The following CABP1 variants were observed in gnomAD, a reference collection of about 807,000 sequenced individuals.
CABP1 encodes calcium binding protein 1, also known as calcium-binding protein 1.
In CABP1, 17 loss-of-function variants were observed where a neutral mutation model predicts 34.3. The ratio of observed to expected loss-of-function variants is 0.50; its 90% CI spans 0.34 to 0.74. The LOEUF (loss-of-function observed/expected upper bound fraction) is 0.74, where lower values mean the gene tolerates loss of function less well. Among genes scored for constraint, CABP1 ranks in the 30% least tolerant of loss-of-function variants. The pLI is 0.01. For missense variants in CABP1, 373 were observed against 511.1 expected, an observed-to-expected ratio of 0.73 and a Z score of 2.61; for synonymous variants, 198 against 229.2, an observed-to-expected ratio of 0.86 and a Z score of 1.23.
chr12:120,676,256 A>G, the CABP1 span, among the ~76,000 whole-genome samples: 1 of 152,316 alleles, frequency 6.6e-6, no homozygotes, highest in East Asian at 1.9e-4. Context: ...TGTGGTGTGG[A>G]TAGACTACCT....
In CABP1 at chr12:120,661,145, G is replaced by C; in HGVS notation, c.1014G>C (p.Gln338His). 1 of 1,613,630 alleles carries C rather than the reference G, an allele frequency of 6.2e-7. No individual in the cohort carries two copies. Among genetic ancestry groups the C allele is most frequent in the Non-Finnish European group, 8.5e-7 (1 of 1,180,002 alleles). Residue 338 changes from glutamine (Q) to histidine (H), a missense_variant, in exon 5 of 6, where the codon CAG becomes CAC. By Grantham distance (24) the Gln-to-His change is conservative (BLOSUM62 0). Coordinates refer to ENST00000316803, the MANE Select transcript of CABP1 (RefSeq NM_001033677.2). This position sits in a 1 kb window ranked among gnomAD's most constrained non-coding sequence, Gnocchi z 5.1. ...REAMRKLLGH[Q>H]VGHRDIEEII... ...CTATGAGGAAGCTCCTGGGTCATCA[G>C]GTGGGACACCGAGACATAGAGGAAA... is the stretch of plus-strand genomic sequence containing the variant.
At chr12:120,659,989 C>A in intron 2 of CABP1, 81 bp downstream of exon 2, 1 of 1,456,386 alleles carries the variant, frequency 6.9e-7, no homozygotes, top group East Asian at 2.3e-5. Flanking sequence ...GAAGAGAGGC[C>A]CCTGGAAATG....
Position 120,667,037 on chromosome 12 carries a change from GC to G in CABP1, c.*140del. 9.8e-7 allele frequency: 1 copy of G among 1,017,686 alleles called. No homozygotes were observed. Among genetic ancestry groups the G allele is most frequent in the Non-Finnish European group, 1.5e-6 (1 of 683,954 alleles). The allele number at this position is 1,017,686 out of a possible 1,614,324, so 63.0% of individuals were successfully genotyped here. A position where few individuals can be genotyped will look rare whatever the true frequency, so the allele number is the denominator to read the frequency against. On this transcript the variant is annotated 3_prime_UTR_variant, in exon 6 of 6. Transcript: ENST00000316803. ...GGGCCTGCCTGCACCCCGGGGAGGC[GC>G]CCACCCCGGACCCCCACCCCTCCGC...
rs369240245 is a variant in CABP1, at chr12:120,656,152, G to A, written c.655-3726G>A. On this transcript the variant is annotated intron_variant, in intron 1 of 5. Coordinates refer to ENST00000316803, the MANE Select transcript of CABP1 (RefSeq NM_001033677.2). ...TGCAGACGAGCGAGGAGGGGCTGGC[G>A]GCTGACGCCGAGCTCCCGGGACCGC... The A allele has an allele frequency of 3.3e-5, 53 of 1,614,038 alleles. No homozygotes were observed. The African/African-American group carries it at 4.0e-4, about 12-fold the overall frequency.
Position 120,641,585 on chromosome 12 carries a change from TACCCGCCAGA to T in CABP1, c.654+256_654+265del, listed in dbSNP as rs1368042057. 2 of 357,626 alleles carry T rather than the reference TACCCGCCAGA, an allele frequency of 5.6e-6. No individual in the cohort carries two copies. Among genetic ancestry groups the T allele is most frequent in the African/African-American group, 2.1e-5 (1 of 47,316 alleles). The allele number at this position is 357,626 out of a possible 1,614,324, so 22.2% of individuals were successfully genotyped here. A position where few individuals can be genotyped will look rare whatever the true frequency, so the allele number is the denominator to read the frequency against. On this transcript the variant is annotated intron_variant, in intron 1 of 5. Coordinates refer to ENST00000316803, the MANE Select transcript of CABP1 (RefSeq NM_001033677.2). The surrounding 1 kb of genome is among the most constrained non-coding windows in gnomAD (Gnocchi z 6.7). Reference sequence around the variant, plus strand: ...AGGCCCTCCCCGCTAGCCTCCCTCATACCCGCCAGAACCCGCCAGTCCTGGAAGAGAGCGA... The same window carrying T: ...AGGCCCTCCCCGCTAGCCTCCCTCATACCCGCCAGTCCTGGAAGAGAGCGA...
At chr12:120,676,711 G>A in the CABP1 span, among the ~76,000 whole-genome samples, 1 of 152,196 alleles carries the variant, frequency 6.6e-6, no homozygotes, top group East Asian at 1.9e-4. Context: ...ACAGGCATCA[G>A]CCACCGCACC....
At position 120,667,166 on chromosome 12, in the gene CABP1, G is replaced by A. The variant is rs1337919129; in HGVS notation, c.*266G>A. 5 of 564,754 alleles carry A rather than the reference G, an allele frequency of 8.9e-6. No individual in the cohort carries two copies. Among genetic ancestry groups the A allele is most frequent in the South Asian group, 8.5e-5 (4 of 47,022 alleles). The allele number at this position is 564,754 out of a possible 1,614,324, so 35.0% of individuals were successfully genotyped here. ...GGTCATGCCAGGCGCCAAGGGCCAT[G>A]TGCCCAGCTGCTGCTGGCTGGGTGG... On this transcript the variant is annotated 3_prime_UTR_variant, in exon 6 of 6. Coordinates refer to ENST00000316803, the MANE Select transcript of CABP1 (RefSeq NM_001033677.2).
Position 120,640,795 on chromosome 12 carries a change from G to C in CABP1, c.110G>C (p.Gly37Ala). Residue 37 changes from glycine (G) to alanine (A), a missense_variant, in exon 1 of 6, where the codon GGC becomes GCC. Coordinates refer to ENST00000316803, the MANE Select transcript of CABP1 (RefSeq NM_001033677.2). The surrounding 1 kb of genome is among the most constrained non-coding windows in gnomAD (Gnocchi z 6.2). The stretch of plus-strand genomic sequence containing the variant: ...GAGCCCCGTTCTCTGCCCGCCGGGG[G>C]CCCCGCGCCGCGCCGCACCGCGCCG... ...RREPRSLPAGGPAPRRTAPPP... is the reference protein window; with the variant it reads ...RREPRSLPAGAPAPRRTAPPP... The C allele has an allele frequency of 9.0e-7, 1 of 1,110,846 alleles. No homozygotes were observed. The highest frequency in any genetic ancestry group is 5.0e-5 in the Admixed American group (1 of 19,864). The allele number at this position is 1,110,846 out of a possible 1,614,324, so 68.8% of individuals were successfully genotyped here.
At chr12:120,675,345 C>A in the CABP1 span, among the ~76,000 whole-genome samples, 2 of 152,122 alleles carry the variant, frequency 1.3e-5, no homozygotes, top group African/African-American at 4.8e-5. Flanking sequence ...ATGCCACTGC[C>A]CCCGGCCATT....
chr12:120,645,181 T>C (rs1315282278), intron 1 of CABP1, among the ~76,000 whole-genome samples: 1 of 152,184 alleles, frequency 6.6e-6, no homozygotes. Flanking sequence ...CCTAGGTTCC[T>C]AAGATAGGGC....
In CABP1 at chr12:120,649,265, C is replaced by A. The variant is rs75261740; in HGVS notation, c.654+7926C>A. Among the ~76,000 whole-genome samples the A allele has an allele frequency of 1.2e-4, 19 of 152,318 alleles. 1 individual carries two copies. In the East Asian group the frequency reaches 2.7e-3, roughly 22 times the overall value. On this transcript the variant is annotated intron_variant, in intron 1 of 5. Coordinates refer to ENST00000316803, the MANE Select transcript of CABP1 (RefSeq NM_001033677.2). ...TAACAGGAGTTCTGAGCAGCCCCCC[C>A]ACACGGGAGAAAAGTTCCTGGGAAA... is the stretch of plus-strand genomic sequence containing the variant.
At chr12:120,656,408 G>A in intron 1 of CABP1, 1 of 700,924 alleles carries the variant, frequency 1.4e-6, no homozygotes, top group Non-Finnish European at 2.2e-6. Flanking sequence ...TCCACTCATG[G>A]CTACAAAGTG....
chr12:120,651,038 C>T (rs994056661), intron 1 of CABP1, among the ~76,000 whole-genome samples: 2 of 152,160 alleles, frequency 1.3e-5, no homozygotes, highest in Non-Finnish European at 2.9e-5. Context: ...TCCCTTAAAA[C>T]CGGCAGAATC....
At chr12:120,649,694 G>C (rs1303998297) in intron 1 of CABP1, among the ~76,000 whole-genome samples, 1 of 152,152 alleles carries the variant, frequency 6.6e-6, no homozygotes, top group African/African-American at 2.4e-5. Flanking sequence ...CCTCCGTCAT[G>C]CTCCCCTCGG....
the CABP1 span, among the ~76,000 whole-genome samples, chr12:120,675,930 G>A: frequency 2.0e-5 from 3 of 152,284 alleles, no homozygotes; most frequent in African/African-American, 7.2e-5. Context: ...ACAAAATTTA[G>A]CTGGGCGTGG....
Position 120,660,999 on chromosome 12 carries a change from G to A in CABP1, c.940-72G>A, listed in dbSNP as rs1880589522. Reference sequence around the variant, plus strand: ...GGGGGGCAATGACACTGGAGAAGGAGCTCAACTTTGGGATCTGCTGCTGCC... The same window carrying A: ...GGGGGGCAATGACACTGGAGAAGGAACTCAACTTTGGGATCTGCTGCTGCC... On this transcript the variant is annotated intron_variant, in intron 4 of 5. Coordinates refer to ENST00000316803, the MANE Select transcript of CABP1 (RefSeq NM_001033677.2). The surrounding 1 kb of genome is among the most constrained non-coding windows in gnomAD (Gnocchi z 5.0). 1.3e-6 allele frequency: 2 copies of A among 1,549,536 alleles called. No homozygotes were observed. Among genetic ancestry groups the A allele is most frequent in the Admixed American group, 1.8e-5 (1 of 56,454 alleles).
chr12:120,667,990 T>A (rs1861494575), downstream of CABP1, among the ~76,000 whole-genome samples: 1 of 152,326 alleles, frequency 6.6e-6, no homozygotes, highest in East Asian at 1.9e-4. Context: ...GGAACTTTTA[T>A]ACTGGTTGGA....
chr12:120,641,465 C>A lies in CABP1; in HGVS notation c.654+126C>A. On this transcript the variant is annotated intron_variant, in intron 1 of 5. Transcript: ENST00000316803. The surrounding 1 kb of genome is among the most constrained non-coding windows in gnomAD (Gnocchi z 6.7). ...CCACGGATCACGCCTCGGCTCACCT[C>A]GTCCTCCCCGGGCCGGCGCCCTTGC... is the stretch of plus-strand genomic sequence containing the variant. 1.9e-6 allele frequency: 2 copies of A among 1,062,950 alleles called. No individual in the cohort carries two copies. The highest frequency in any genetic ancestry group is 2.4e-6 in the Non-Finnish European group (2 of 834,786). 65.8% of individuals were successfully genotyped at this position (1,062,950 alleles called of 1,614,324 possible). A position where few individuals can be genotyped will look rare whatever the true frequency, so the allele number is the denominator to read the frequency against.
At position 120,650,499 on chromosome 12, in the gene CABP1, G is replaced by A. The variant is rs1879776320; in HGVS notation, c.654+9160G>A. On this transcript the variant is annotated intron_variant, in intron 1 of 5. Coordinates refer to ENST00000316803, the MANE Select transcript of CABP1 (RefSeq NM_001033677.2). ...TAAGAGAGCACGCGCGCAAGAGAGG[G>A]CTCACATCCGTCCTGGAGGAAGAAC... 9 of 1,543,650 alleles carry A rather than the reference G, an allele frequency of 5.8e-6. No homozygotes were observed. The South Asian group carries it at 9.8e-5, about 17-fold the overall frequency.
Sources: gnomAD v4.1 joint callset for allele counts (sites outside exome capture counted in the v4.1 genomes callset) on GRCh38, gnomAD v4.1.1 for gene constraint, Gnocchi (gnomAD v3.1) non-coding constraint, MANE v1.5 for transcripts, NCBI Gene and HGNC (gene_info 2026-07-23, HGNC 2026-07-21) for gene names.